PKD1L1: variants seen among roughly 807,000 people sequenced by gnomAD.
PKD1L1 encodes the protein polycystin 1 like 1, transient receptor potential channel interacting.
PKD1L1 carries 236 observed loss-of-function variants against 323.4 expected under a neutral mutation model. The ratio of observed to expected loss-of-function variants is 0.73; its 90% CI spans 0.66 to 0.81. PKD1L1 has a LOEUF of 0.81. Among genes scored for constraint, PKD1L1 ranks in the 40% least tolerant of loss-of-function variants. The pLI, the probability that PKD1L1 is intolerant of heterozygous loss-of-function variation, is 0.00. For missense variants in PKD1L1, 3,320 were observed against 3,508.0 expected (o/e 0.95, Z 1.35); for synonymous variants, 1,344 against 1,335.0 (o/e 1.01, Z -0.15).
At chr7:47,931,876 G>A in intron 5 of PKD1L1, 60 bp downstream of exon 5, 2 of 1,564,294 alleles carry the variant, frequency 1.3e-6, no homozygotes, top group South Asian at 2.3e-5. Context: ...TCCCCCATAT[G>A]CATCAGATGC....
intron 53 of PKD1L1, 29 bp from the exon 54 acceptor site, chr7:47,800,908 A>G: frequency 6.3e-7 from 1 of 1,582,446 alleles, no homozygotes; most frequent in African/African-American, 1.3e-5. Flanking sequence ...GAGAGCACTG[A>G]CCTTGTCACC....
intron 24 of PKD1L1, among the ~76,000 whole-genome samples, chr7:47,871,171 T>A (rs1376529912): frequency 1.3e-5 from 2 of 151,974 alleles, no homozygotes; most frequent in Non-Finnish European, 2.9e-5. Flanking sequence ...GATGTATACA[T>A]CATGACCAAA....
upstream of PKD1L1, among the ~76,000 whole-genome samples, chr7:47,951,164 G>A (rs903710226): frequency 3.3e-5 from 5 of 152,154 alleles, no homozygotes; most frequent in African/African-American, 1.2e-4. Context: ...CCCATTTTAA[G>A]AAATCACTAT....
intron 14 of PKD1L1, among the ~76,000 whole-genome samples, chr7:47,894,700 A>C (rs1786898381): frequency 6.6e-6 from 1 of 151,980 alleles, no homozygotes; most frequent in African/African-American, 2.4e-5. Context: ...AAAATACAAA[A>C]ATTAGCTGAG....
At chr7:47,955,486 A>G in the PKD1L1 span, among the ~76,000 whole-genome samples, 12 of 152,346 alleles carry the variant, frequency 7.9e-5, no homozygotes, top group African/African-American at 2.9e-4. Flanking sequence ...ATGTCAGCAT[A>G]TACCTTCCTG....
chr7:47,811,988 C>G lies in PKD1L1; in HGVS notation c.7410G>C (p.Arg2470Ser), dbSNP rs574494237. 6.3e-7 allele frequency: 1 copy of G among 1,592,558 alleles called. No homozygotes were observed. The highest frequency in any genetic ancestry group is 1.1e-5 in the South Asian group (1 of 87,376). The change falls in exon 50 of 57, where the codon AGG becomes AGC. Residue 2470 changes from arginine to serine, a missense_variant. Coordinates refer to ENST00000289672, the MANE Select transcript of PKD1L1 (RefSeq NM_138295.5). ...AGAGAGTGAAGTGCACAGACACAGC[C>G]CTGGTGCTGCGGTCAATCCACATGC... ...RASMWIDRST[R>S]AVSVHFTLYN...
chr7:47,853,242 C>T lies in PKD1L1; in HGVS notation c.4860-15G>A. ...TCTCAGAGAATCTAGGAGATAAAAACAAAATAGGGATTTCTCATTTTTTTC... is the reference window on the plus strand; with the variant it reads ...TCTCAGAGAATCTAGGAGATAAAAATAAAATAGGGATTTCTCATTTTTTTC... On this transcript the variant is annotated splice_polypyrimidine_tract_variant and intron_variant, in intron 30 of 56. Transcript: ENST00000289672. 1 of 1,512,740 alleles carries T rather than the reference C, an allele frequency of 6.6e-7. No individual in the cohort carries two copies. The highest frequency in any genetic ancestry group is 9.2e-7 in the Non-Finnish European group (1 of 1,090,102). 93.7% of individuals were successfully genotyped at this position (1,512,740 alleles called of 1,614,324 possible).
At chr7:47,898,319 T>C (rs1787005402) in intron 13 of PKD1L1, 125 bp from the exon 14 acceptor site, 4 of 756,494 alleles carry the variant, frequency 5.3e-6, no homozygotes, top group Non-Finnish European at 8.5e-6. Context: ...GACAGAATGG[T>C]ATTCTTAGGT....
At chr7:47,776,520 C>A (rs1175840878) in intron 56 of PKD1L1, among the ~76,000 whole-genome samples, 1 of 152,200 alleles carries the variant, frequency 6.6e-6, no homozygotes, top group Admixed American at 6.5e-5. Context: ...TAGCGCATCT[C>A]CACACCTGTT....
In PKD1L1 at chr7:47,831,410, C is replaced by T. The variant is rs139311533; in HGVS notation, c.6338-58G>A. 8.8e-5 allele frequency: 138 copies of T among 1,559,512 alleles called. 3 individuals carry two copies. The Middle Eastern group carries it at 1.3e-3, about 15-fold the overall frequency. On this transcript the variant is annotated intron_variant, in intron 41 of 56. Coordinates refer to ENST00000289672, the MANE Select transcript of PKD1L1 (RefSeq NM_138295.5). ...TAAGAGACCTCGGCATCTCCATCCA[C>T]GCGGAGTGTGGTGGTGAATCTTAGG... is the stretch of plus-strand genomic sequence containing the variant.
At chr7:47,784,495 G>A (rs963336001) in intron 56 of PKD1L1, among the ~76,000 whole-genome samples, 3 of 150,332 alleles carry the variant, frequency 2.0e-5, no homozygotes, top group East Asian at 1.9e-4. Flanking sequence ...TTTTTGAGAC[G>A]GAGTTTCACT....
intron 37 of PKD1L1, among the ~76,000 whole-genome samples, chr7:47,836,709 C>T (rs1050665514): frequency 6.6e-6 from 1 of 152,260 alleles, no homozygotes; most frequent in Non-Finnish European, 1.5e-5. Context: ...AGCTGTCCAC[C>T]GAGCCAGCAG....
At chr7:47,927,413 G>A (rs969810699) in intron 7 of PKD1L1, among the ~76,000 whole-genome samples, 11 of 152,130 alleles carry the variant, frequency 7.2e-5, no homozygotes, top group Admixed American at 3.3e-4. Flanking sequence ...TAAGTAGGGC[G>A]CGCCACCACG....
chr7:47,817,894 AT>A, intron 46 of PKD1L1: 1 of 604,358 alleles, frequency 1.7e-6, no homozygotes, highest in South Asian at 2.1e-5. Flanking sequence ...CATAGCATGT[AT>A]GAGTAAAAGT....
intron 7 of PKD1L1, 48 bp downstream of exon 7, chr7:47,929,156 C>A: frequency 6.4e-7 from 1 of 1,563,110 alleles, no homozygotes; most frequent in Non-Finnish European, 8.7e-7. Flanking sequence ...GGTCCCCTAG[C>A]TCAGGACCTC....
intron 18 of PKD1L1, 42 bp from the exon 19 acceptor site, chr7:47,884,699 C>A (rs1025900297): frequency 1.3e-6 from 2 of 1,540,870 alleles, no homozygotes; most frequent in African/African-American, 2.7e-5. Context: ...TTTAAAATCA[C>A]AGAATCCCCT....
chr7:47,950,839 C>G (rs909342044), upstream of PKD1L1, among the ~76,000 whole-genome samples: 2 of 152,326 alleles, frequency 1.3e-5, no homozygotes, highest in Non-Finnish European at 1.5e-5. Flanking sequence ...CTGGGCTGGG[C>G]AGCCTCGCCT....
rs1787177687 is a variant in PKD1L1 at position 47,905,211 on chromosome 7, G to A, written c.1637C>T (p.Pro546Leu). 1 of 1,614,084 alleles carries A rather than the reference G, an allele frequency of 6.2e-7. No homozygotes were observed. Among genetic ancestry groups the A allele is most frequent in the Non-Finnish European group, 8.5e-7 (1 of 1,180,026 alleles). The change falls in exon 11 of 57, where the codon CCA (proline) becomes CTA (leucine). Residue 546 changes from proline to leucine, a missense_variant. Pro to Leu is a moderately conservative substitution (Grantham distance 98). Coordinates refer to ENST00000289672, the MANE Select transcript of PKD1L1 (RefSeq NM_138295.5). Reference sequence around the variant, plus strand: ...GCTTCTTGAAGTTGTCCTCACTGGTGGATCCTCTCCAAAATACCACTCAAA... The same window carrying A: ...GCTTCTTGAAGTTGTCCTCACTGGTAGATCCTCTCCAAAATACCACTCAAA... ...LEFEWYFGED[P>L]PVRTTSRSIK...
chr7:47,795,674 A>C (rs1784508693), intron 55 of PKD1L1, among the ~76,000 whole-genome samples: 1 of 152,196 alleles, frequency 6.6e-6, no homozygotes, highest in African/African-American at 2.4e-5. Context: ...GCAAATGACT[A>C]ACTCAGGGGA....
Sources: gnomAD v4.1 joint callset for allele counts (sites outside exome capture counted in the v4.1 genomes callset) on GRCh38, gnomAD v4.1.1 for gene constraint, MANE v1.5 for transcripts, NCBI Gene and HGNC (gene_info 2026-07-23, HGNC 2026-07-21) for gene names.